PAIP2B: variants seen among roughly 807,000 people sequenced by gnomAD.
PAIP2B encodes the protein polyadenylate-binding protein-interacting protein 2B.
A neutral mutation model predicts 17.0 loss-of-function variants in PAIP2B; 13 were observed. That is an observed-to-expected ratio of 0.76 (90% CI 0.50 to 1.22). The LOEUF (loss-of-function observed/expected upper bound fraction) is 1.22. PAIP2B is among the 50% of genes most tolerant of loss of function. The pLI is 0.00. For synonymous variants in PAIP2B, 43 were observed against 48.7 expected (o/e 0.88, Z 0.48); for missense variants, 117 against 144.5 (o/e 0.81, Z 0.98).
rs1674478372 is a variant in PAIP2B at position 71,184,392 on chromosome 2, A to T, written c.*4087T>A. Reference sequence around the variant, plus strand: ...TTCTATTGCCACGATGCCTCTAAAAACCAGACTGACTGGGAACAGCAGTAG... The same window carrying T: ...TTCTATTGCCACGATGCCTCTAAAATCCAGACTGACTGGGAACAGCAGTAG... On this transcript the variant is annotated 3_prime_UTR_variant, in exon 4 of 4. Coordinates refer to ENST00000244221, the MANE Select transcript of PAIP2B (RefSeq NM_020459.1). 6.6e-6 allele frequency: 1 copy of T among 152,170 alleles called. No homozygotes were observed. The highest frequency in any genetic ancestry group is 6.5e-5 in the Admixed American group (1 of 15,268). The allele number at this position is 152,170 out of a possible 1,614,324, so 9.4% of individuals were successfully genotyped here. A position where few individuals can be genotyped will look rare whatever the true frequency, so the allele number is the denominator to read the frequency against.
At chr2:71,193,227 G>GTA in intron 2 of PAIP2B, among the ~76,000 whole-genome samples, 2 of 152,066 alleles carry the variant, frequency 1.3e-5, no homozygotes, top group South Asian at 4.2e-4. Flanking sequence ...CTTGTTGGCC[G>GTA]TATGTATGTC....
At chr2:71,218,126 G>A (rs1675479256) in intron 1 of PAIP2B, among the ~76,000 whole-genome samples, 1 of 151,762 alleles carries the variant, frequency 6.6e-6, no homozygotes, top group Admixed American at 6.6e-5. Flanking sequence ...CTTTCATTCA[G>A]CCCAATAAAA....
Position 71,200,263 on chromosome 2 carries a change from T to C in PAIP2B, c.138+2189A>G, listed in dbSNP as rs571068062. ...TGAATTACCATGAAAACTATGCTAG[T>C]AATGGAATGGGGGTTGGCAGTGGTA... is the stretch of plus-strand genomic sequence containing the variant. On this transcript the variant is annotated intron_variant, in intron 2 of 3. Coordinates refer to ENST00000244221, the MANE Select transcript of PAIP2B (RefSeq NM_020459.1). Among the ~76,000 whole-genome samples, 20 of 152,058 alleles carry C rather than the reference T, an allele frequency of 1.3e-4. No homozygotes were observed. The East Asian group carries it at 3.9e-3, about 29-fold the overall frequency.
At chr2:71,195,898 A>AAGTGGC (rs1674805902) in intron 2 of PAIP2B, among the ~76,000 whole-genome samples, 1 of 152,016 alleles carries the variant, frequency 6.6e-6, no homozygotes, top group Non-Finnish European at 1.5e-5. Context: ...CAGCCTCCCT[A>AAGTGGC]AGTGCTGGGA....
At chr2:71,195,076 G>A (rs1674783599) in intron 2 of PAIP2B, among the ~76,000 whole-genome samples, 2 of 152,186 alleles carry the variant, frequency 1.3e-5, no homozygotes, top group African/African-American at 4.8e-5. Context: ...CGGGGATGAA[G>A]CCTACTTAAT....
chr2:71,209,848 G>A (rs1348569171), intron 1 of PAIP2B, among the ~76,000 whole-genome samples: 1 of 150,834 alleles, frequency 6.6e-6, no homozygotes, highest in Non-Finnish European at 1.5e-5. Flanking sequence ...TTTTAAGATG[G>A]AGTCTCACTC....
intron 2 of PAIP2B, among the ~76,000 whole-genome samples, chr2:71,199,934 ACTT>A (rs1674937023): frequency 6.6e-6 from 1 of 152,174 alleles, no homozygotes; most frequent in Non-Finnish European, 1.5e-5. Flanking sequence ...GTTAGGTCTT[ACTT>A]CTTCTTTCCT....
At chr2:71,194,510 T>C (rs563993526) in intron 2 of PAIP2B, among the ~76,000 whole-genome samples, 8 of 149,360 alleles carry the variant, frequency 5.4e-5, no homozygotes, top group Admixed American at 2.7e-4. Context: ...GTGAATGGGA[T>C]TGCCTTTCTG....
At chr2:71,218,338 A>C (rs568561151) in intron 1 of PAIP2B, among the ~76,000 whole-genome samples, 2 of 152,072 alleles carry the variant, frequency 1.3e-5, no homozygotes, top group South Asian at 4.1e-4. Context: ...TTATAATTTT[A>C]TAAAATTACT....
chr2:71,190,471 T>G (rs1674661153), intron 2 of PAIP2B, among the ~76,000 whole-genome samples: 1 of 152,170 alleles, frequency 6.6e-6, no homozygotes, highest in African/African-American at 2.4e-5. Context: ...TGATCTTACA[T>G]GAGGTCCAAG....
intron 1 of PAIP2B, among the ~76,000 whole-genome samples, chr2:71,220,419 A>G (rs1675553342): frequency 6.6e-6 from 1 of 152,244 alleles, no homozygotes. Context: ...AAAGTATACA[A>G]TAAACCCATC....
intron 2 of PAIP2B, among the ~76,000 whole-genome samples, chr2:71,201,188 A>G (rs1335220940): frequency 6.6e-6 from 1 of 152,150 alleles, no homozygotes; most frequent in Non-Finnish European, 1.5e-5. Flanking sequence ...CCCTGGTGCA[A>G]TCCTGATCAC....
chr2:71,226,490 G>C (rs1408302173), intron 1 of PAIP2B, among the ~76,000 whole-genome samples: 2 of 152,224 alleles, frequency 1.3e-5, no homozygotes, highest in Admixed American at 6.5e-5. Flanking sequence ...GGAAGGGCAC[G>C]ACGCGCAATC....
chr2:71,212,752 C>A (rs34807546), intron 1 of PAIP2B, among the ~76,000 whole-genome samples: 13,980 of 151,826 alleles, frequency 0.092, 704 homozygotes, highest in Non-Finnish European at 0.12. Flanking sequence ...CTATGCCCAG[C>A]CTATTTTTTA....
At position 71,189,949 on chromosome 2, in the gene PAIP2B, C is replaced by T. The variant is rs753181351; in HGVS notation, c.211G>A (p.Asp71Asn). ...FQEMLDEEDQ[D>N]WFIPSRDLPQ... ...AGGTCTCGTGAGGGAATAAACCAGT[C>T]TTGGTCTTCTTCATCCAGCATCTCT... Residue 71 changes from aspartate (D) to asparagine (N), a missense_variant, in exon 3 of 4, where the codon GAC becomes AAC. By Grantham distance (23) the Asp-to-Asn change is conservative (BLOSUM62 1). Coordinates refer to ENST00000244221, the MANE Select transcript of PAIP2B (RefSeq NM_020459.1). 1 of 1,610,376 alleles carries T rather than the reference C, an allele frequency of 6.2e-7. No homozygotes were observed. Among genetic ancestry groups the T allele is most frequent in the South Asian group, 1.1e-5 (1 of 89,808 alleles).
At position 71,185,313 on chromosome 2, in the gene PAIP2B, T is replaced by A. The variant is rs1674508426; in HGVS notation, c.*3166A>T. ...CACACCCAGCCTATAATCCCAGCAC[T>A]TTGGGAGGCTGAGATGGGAGAATCA... On this transcript the variant is annotated 3_prime_UTR_variant, in exon 4 of 4. Transcript: ENST00000244221. The A allele has an allele frequency of 6.6e-6, 1 of 151,936 alleles. No individual in the cohort carries two copies. The highest frequency in any genetic ancestry group is 1.5e-5 in the Non-Finnish European group (1 of 67,976). The allele number at this position is 151,936 out of a possible 1,614,324, so 9.4% of individuals were successfully genotyped here. A position where few individuals can be genotyped will look rare whatever the true frequency, so the allele number is the denominator to read the frequency against.
rs1255098769 is a variant in PAIP2B at position 71,184,867 on chromosome 2, C to T, written c.*3612G>A. 6.6e-6 allele frequency: 1 copy of T among 152,132 alleles called. No homozygotes were observed. The highest frequency in any genetic ancestry group is 1.5e-5 in the Non-Finnish European group (1 of 68,038). The allele number at this position is 152,132 out of a possible 1,614,324, so 9.4% of individuals were successfully genotyped here. A position where few individuals can be genotyped will look rare whatever the true frequency, so the allele number is the denominator to read the frequency against. ...CCCAATTATGTGGACGTCTCCAAATCTTGGTCAAATCTGTCAGATTTCTAA... is the reference window on the plus strand; with the variant it reads ...CCCAATTATGTGGACGTCTCCAAATTTTGGTCAAATCTGTCAGATTTCTAA... On this transcript the variant is annotated 3_prime_UTR_variant, in exon 4 of 4. Coordinates refer to ENST00000244221, the MANE Select transcript of PAIP2B (RefSeq NM_020459.1).
intron 1 of PAIP2B, among the ~76,000 whole-genome samples, chr2:71,203,695 TA>T (rs1675047982): frequency 6.6e-6 from 1 of 151,618 alleles, no homozygotes; most frequent in Non-Finnish European, 1.5e-5. Flanking sequence ...TTATCTTTTG[TA>T]AAAACATTTA....
At chr2:71,215,513 G>A (rs1382579475) in intron 1 of PAIP2B, among the ~76,000 whole-genome samples, 2 of 152,162 alleles carry the variant, frequency 1.3e-5, no homozygotes, top group Non-Finnish European at 2.9e-5. Flanking sequence ...CTTCTCTGAG[G>A]GGTAAGGGGA....
Sources: allele counts gnomAD v4.1 joint callset (sites outside exome capture counted in the v4.1 genomes callset), GRCh38; gene constraint gnomAD v4.1.1; transcripts MANE v1.5; gene names NCBI Gene and HGNC (gene_info 2026-07-23, HGNC 2026-07-21).